Variants in ZNF565 observed in about 807,000 individuals in gnomAD.
ZNF565 encodes zinc finger protein 565.
In ZNF565, 27 loss-of-function variants were observed where a neutral mutation model predicts 39.4. The observed-to-expected ratio is 0.69, with a 90% confidence interval of 0.51 to 0.95. The LOEUF (loss-of-function observed/expected upper bound fraction) is 0.95, where lower values mean the gene tolerates loss of function less well. Ranked by LOEUF, ZNF565 falls within the 40% of genes least tolerant of loss-of-function variation. ZNF565 has a pLI of 0.00. For synonymous variants in ZNF565, 185 were observed against 216.6 expected, an observed-to-expected ratio of 0.85 and a Z score of 1.28; for missense variants, 524 against 621.1, an observed-to-expected ratio of 0.84 and a Z score of 1.66.
intron 4 of ZNF565, among the ~76,000 whole-genome samples, chr19:36,186,046 G>GAGTAC (rs1975286653): frequency 6.6e-6 from 1 of 150,950 alleles, no homozygotes; most frequent in African/African-American, 2.4e-5. Flanking sequence ...TCCCAGGCTG[G>GAGTAC]AGTACAGTGG....
chr19:36,216,002 A>G (rs921105572), upstream of ZNF565, among the ~76,000 whole-genome samples: 20 of 152,186 alleles, frequency 1.3e-4, no homozygotes, highest in Admixed American at 6.5e-4. Flanking sequence ...GGAGAATGCT[A>G]CTGACGTCTC....
intron 1 of ZNF565, among the ~76,000 whole-genome samples, chr19:36,241,557 C>T (rs376767015): frequency 1.6e-4 from 24 of 150,656 alleles, no homozygotes; most frequent in South Asian, 4.2e-4. Flanking sequence ...CTTTGTGAAG[C>T]GGAGGCGGGT....
chr19:36,190,469 G>A (rs1209574764), intron 4 of ZNF565, among the ~76,000 whole-genome samples: 1 of 151,830 alleles, frequency 6.6e-6, no homozygotes, highest in Non-Finnish European at 1.5e-5. Context: ...CCAGCTACTC[G>A]GGAGGCTGAG....
rs766232263 is a variant in ZNF565 at position 36,182,821 on chromosome 19, T to TATG, written c.1144_1145insCAT (p.Gln382delinsProTer). The TATG allele has an allele frequency of 6.2e-7, 1 of 1,614,028 alleles. No homozygotes were observed. Among genetic ancestry groups the TATG allele is most frequent in the African/African-American group, 1.3e-5 (1 of 74,908 alleles). On this transcript the variant is annotated stop_gained and protein_altering_variant, in exon 5 of 5. Coordinates refer to ENST00000304116, the MANE Select transcript of ZNF565 (RefSeq NM_152477.5). LOFTEE classifies it high-confidence loss of function. ...GGGTCTGTCGCCAGTATGGACTCTC[T>TATG]GATGTCGTGTGAGCTGTGCGTGCTG...
chr19:36,241,781 C>CAAAA (rs57036778), intron 1 of ZNF565, among the ~76,000 whole-genome samples: 4 of 79,726 alleles, frequency 5.0e-5, no homozygotes, highest in South Asian at 4.1e-4. Context: ...AGAAGAGTGT[C>CAAAA]AAAAAAAAAA....
chr19:36,225,752 CTTTTTTTTTTTTT>C (rs67760026), intron 1 of ZNF565, among the ~76,000 whole-genome samples: 12 of 66,726 alleles, frequency 1.8e-4, no homozygotes, highest in African/African-American at 3.0e-4. Flanking sequence ...CTTTGTGATT[CTTTTTTTTTTTTT>C]TTTTTTTTTT....
intron 1 of ZNF565, among the ~76,000 whole-genome samples, chr19:36,229,005 T>C (rs1163829295): frequency 6.6e-6 from 1 of 152,238 alleles, no homozygotes; most frequent in African/African-American, 2.4e-5. Context: ...TTTCACCAGA[T>C]TCTAGAGGGG....
intron 1 of ZNF565, among the ~76,000 whole-genome samples, chr19:36,220,328 TACCTAATTTCTTAGCTCCTAGTTC>T (rs60219339): frequency 0.098 from 14,292 of 145,430 alleles, 1,521 homozygotes; most frequent in Non-Finnish European, 0.15. Flanking sequence ...ATAGTATTTT[TACCTAATTTCTTAGCTCCTAGTTC>T]TTTTTTTTAA....
At chr19:36,197,667 A>G (rs1307559538) in intron 2 of ZNF565, among the ~76,000 whole-genome samples, 4 of 152,152 alleles carry the variant, frequency 2.6e-5, no homozygotes, top group African/African-American at 7.2e-5. Context: ...AAAGTGGCTT[A>G]TATCTAAAAG....
intron 4 of ZNF565, among the ~76,000 whole-genome samples, chr19:36,193,441 CTTT>C (rs918390781): frequency 3.8e-5 from 5 of 131,838 alleles, no homozygotes; most frequent in Admixed American, 1.5e-4. Flanking sequence ...TTTCTTTTTT[CTTT>C]TTTTTTTTTT....
chr19:36,200,769 G>A (rs904884503), intron 2 of ZNF565, among the ~76,000 whole-genome samples: 5 of 151,260 alleles, frequency 3.3e-5, no homozygotes, highest in African/African-American at 7.3e-5. Context: ...TTACAGGCAG[G>A]AGCCACCACA....
intron 2 of ZNF565, among the ~76,000 whole-genome samples, chr19:36,197,759 C>T (rs529962574): frequency 6.6e-6 from 1 of 152,116 alleles, no homozygotes; most frequent in Non-Finnish European, 1.5e-5. Context: ...TCAGTAAAAT[C>T]ACTATGCAGA....
chr19:36,239,453 G>T (rs1240793879), intron 1 of ZNF565, among the ~76,000 whole-genome samples: 1 of 150,966 alleles, frequency 6.6e-6, no homozygotes, highest in African/African-American at 2.4e-5. Flanking sequence ...CTCCCAAGTA[G>T]CTGGGACTAC....
Position 36,195,196 on chromosome 19 carries a change from C to T in ZNF565, c.10-40G>A, listed in dbSNP as rs769090764. 2.3e-5 allele frequency: 36 copies of T among 1,573,626 alleles called. No homozygotes were observed. In the East Asian group the frequency reaches 7.7e-4, roughly 33 times the overall value. On this transcript the variant is annotated intron_variant, in intron 2 of 4. Transcript: ENST00000304116. ...CCACGCATTAGTGTACATTAAGAAA[C>T]TTTTTTCATTTATTATGAAAATTTT...
chr19:36,236,295 C>A, intron 1 of ZNF565: 1 of 961,700 alleles, frequency 1.0e-6, no homozygotes, highest in Non-Finnish European at 1.5e-6. Context: ...AACCTTATCC[C>A]TTACTCTGCA....
rs73931509 is a variant in ZNF565 at position 36,211,904 on chromosome 19, G to A, written c.-66+2718C>T. ...CTGGTAACAACTTTTTCAGGCAAGC[G>A]TCATCAACGGATAAGACTAATAGAT... On this transcript the variant is annotated intron_variant, in intron 1 of 4. Coordinates refer to ENST00000304116, the MANE Select transcript of ZNF565 (RefSeq NM_152477.5). Among the ~76,000 whole-genome samples the A allele has an allele frequency of 4.9e-3, 748 of 152,208 alleles. 7 individuals carry two copies. Among genetic ancestry groups the A allele is most frequent in the African/African-American group, 0.017 (715 of 41,552 alleles).
In ZNF565 at chr19:36,234,343, G is replaced by A. The variant is rs1267225354; in HGVS notation, c.55+11133C>T. Among the ~76,000 whole-genome samples, 8 of 141,242 alleles carry A rather than the reference G, an allele frequency of 5.7e-5. 1 individual carries two copies. In the East Asian group the frequency reaches 6.0e-4, roughly 11 times the overall value. 92.7% of individuals were successfully genotyped at this position (141,242 alleles called of 152,430 possible). ...TTTCTTTTCCCCACACAGCCTGGGCGACAGAGCAAGACTGTCTCAAAAAAA... is the reference window on the plus strand; with the variant it reads ...TTTCTTTTCCCCACACAGCCTGGGCAACAGAGCAAGACTGTCTCAAAAAAA... On this transcript the variant is annotated intron_variant, in intron 1 of 4. Transcript: ENST00000355114.
chr19:36,197,283 A>T (rs906867038), intron 2 of ZNF565, among the ~76,000 whole-genome samples: 5 of 151,518 alleles, frequency 3.3e-5, no homozygotes, highest in African/African-American at 4.9e-5. Flanking sequence ...AAAAAAACAA[A>T]CAAACAACAA....
At chr19:36,235,158 G>A (rs544334979) in intron 1 of ZNF565, among the ~76,000 whole-genome samples, 2 of 150,658 alleles carry the variant, frequency 1.3e-5, no homozygotes, top group East Asian at 2.0e-4. Flanking sequence ...GCAGTGAGCC[G>A]AGATCGCACC....
Sources: gnomAD v4.1 joint callset for allele counts (sites outside exome capture counted in the v4.1 genomes callset) on GRCh38, gnomAD v4.1.1 for gene constraint, MANE v1.5 for transcripts, NCBI Gene and HGNC (gene_info 2026-07-23, HGNC 2026-07-21) for gene names.